Variants in INSR observed in about 807,000 individuals in gnomAD.
INSR encodes insulin receptor.
A neutral mutation model predicts 142.6 loss-of-function variants in INSR; 67 were observed. The observed-to-expected ratio is 0.47, with a 90% CI of 0.39 to 0.58. The LOEUF is 0.58. INSR is among the 20% of genes least tolerant of loss of function. The pLI is 0.00. For missense variants in INSR, 1,248 were observed against 1,833.2 expected (o/e 0.68, Z 5.83); for synonymous variants, 756 against 743.1 (o/e 1.02, Z -0.28).
At chr19:7,221,506 G>A (rs559201007) in intron 2 of INSR, among the ~76,000 whole-genome samples, 29 of 152,132 alleles carry the variant, frequency 1.9e-4, no homozygotes, top group African/African-American at 5.5e-4. Context: ...TCAGGAGTTC[G>A]AGACCAGCCT....
At chr19:7,246,724 C>T (rs934272597) in intron 2 of INSR, among the ~76,000 whole-genome samples, 13 of 151,520 alleles carry the variant, frequency 8.6e-5, no homozygotes, top group African/African-American at 2.9e-4. Context: ...CACAGCAAAA[C>T]TAGCTGATAC....
rs1599862291 is a variant in INSR, at chr19:7,116,345, G to A, written c.*711C>T. 6.6e-6 allele frequency: 1 copy of A among 151,962 alleles called. No individual in the cohort carries two copies. The highest frequency in any genetic ancestry group is 1.9e-4 in the East Asian group (1 of 5,160). The allele number at this position is 151,962 out of a possible 1,614,324, so 9.4% of individuals were successfully genotyped here. ...GCACCCTTGAGAAGAACCTTCATGA[G>A]CCAATTCCCAAAGCATCAACTCCGC... On this transcript the variant is annotated 3_prime_UTR_variant, in exon 22 of 22. Coordinates refer to ENST00000302850, the MANE Select transcript of INSR (RefSeq NM_000208.4).
At chr19:7,160,062 G>T (rs978792473) in intron 9 of INSR, among the ~76,000 whole-genome samples, 9 of 152,142 alleles carry the variant, frequency 5.9e-5, no homozygotes, top group Non-Finnish European at 1.0e-4. Flanking sequence ...ACTTTGGGAG[G>T]CTGAGGCAGG....
At chr19:7,239,030 C>CA (rs558348124) in intron 2 of INSR, among the ~76,000 whole-genome samples, 109 of 122,642 alleles carry the variant, frequency 8.9e-4, no homozygotes, top group East Asian at 4.4e-3. Context: ...ATTATTACTA[C>CA]AAAAAAAAAA....
At chr19:7,283,053 C>T (rs1968251735) in intron 1 of INSR, among the ~76,000 whole-genome samples, 1 of 150,956 alleles carries the variant, frequency 6.6e-6, no homozygotes, top group Non-Finnish European at 1.5e-5. Context: ...ATTAGCTAGT[C>T]GTGGTAGCAC....
At chr19:7,282,327 T>C (rs868456948) in intron 1 of INSR, among the ~76,000 whole-genome samples, 1 of 151,050 alleles carries the variant, frequency 6.6e-6, no homozygotes, top group African/African-American at 2.4e-5. Context: ...ATCGTGCCAC[T>C]ACACTCCAGC....
Position 7,168,153 on chromosome 19 carries a change from G to C in INSR, c.1484-59C>G, listed in dbSNP as rs527247952. The C allele has an allele frequency of 6.3e-7, 1 of 1,577,370 alleles. No individual in the cohort carries two copies. The highest frequency in any genetic ancestry group is 1.7e-5 in the Admixed American group (1 of 59,524). On this transcript the variant is annotated intron_variant, in intron 6 of 21. Transcript: ENST00000302850. This position sits in a 1 kb window ranked among gnomAD's most constrained non-coding sequence, Gnocchi z 4.3. Reference sequence around the variant, plus strand: ...TATTTCAGTGTAGTTTCAGACCAAAGCCTGGGACCCCCACACTTCCTGGAG... The same window carrying C: ...TATTTCAGTGTAGTTTCAGACCAAACCCTGGGACCCCCACACTTCCTGGAG...
chr19:7,246,093 A>G (rs1976529992), intron 2 of INSR, among the ~76,000 whole-genome samples: 1 of 152,142 alleles, frequency 6.6e-6, no homozygotes, highest in South Asian at 2.1e-4. Flanking sequence ...ATGAACCTAA[A>G]ATAAGAGGTT....
intron 9 of INSR, among the ~76,000 whole-genome samples, chr19:7,158,577 G>A (rs73503023): frequency 0.061 from 9,252 of 152,206 alleles, 704 homozygotes; most frequent in East Asian, 0.22. Context: ...ACAGAAAGGA[G>A]GATGGTGGGT....
intron 2 of INSR, among the ~76,000 whole-genome samples, chr19:7,232,086 G>A (rs1975998100): frequency 6.6e-6 from 1 of 152,138 alleles, no homozygotes; most frequent in Non-Finnish European, 1.5e-5. Context: ...CGGGGGTACT[G>A]GGAATTCACT....
intron 1 of INSR, 114 bp downstream of exon 1, chr19:7,293,678 C>A: frequency 5.7e-6 from 5 of 884,270 alleles, no homozygotes; most frequent in Non-Finnish European, 7.3e-6. Context: ...CTGGCCACCG[C>A]CCCCCGCCCC....
chr19:7,157,470 C>T (rs1030400507), intron 9 of INSR, among the ~76,000 whole-genome samples: 5 of 131,192 alleles, frequency 3.8e-5, no homozygotes, highest in African/African-American at 1.5e-4. Context: ...GCTGTGTTGG[C>T]CAGGCTGATC....
chr19:7,267,930 T>A lies in INSR; in HGVS notation c.101-34A>T. The A allele has an allele frequency of 6.4e-7, 1 of 1,573,988 alleles. No individual in the cohort carries two copies. The highest frequency in any genetic ancestry group is 8.7e-7 in the Non-Finnish European group (1 of 1,148,314). On this transcript the variant is annotated intron_variant, in intron 1 of 21. Transcript: ENST00000302850. The surrounding 1 kb of genome is among the most constrained non-coding windows in gnomAD (Gnocchi z 6.3). ...GAAAATGAACAGAAAGCAAGACAGG[T>A]GAGCAGACGCACGGTGGATGCATCA...
intron 1 of INSR, among the ~76,000 whole-genome samples, chr19:7,293,242 A>C (rs975587574): frequency 6.6e-6 from 1 of 152,206 alleles, no homozygotes; most frequent in African/African-American, 2.4e-5. Flanking sequence ...CAAAAGGGTA[A>C]ACATGGACCT....
intron 13 of INSR, among the ~76,000 whole-genome samples, chr19:7,139,690 G>A (rs1325069310): frequency 6.6e-6 from 1 of 152,044 alleles, no homozygotes; most frequent in Non-Finnish European, 1.5e-5. Flanking sequence ...GGCAAATCAA[G>A]CCATTCATTT....
At chr19:7,276,168 C>G (rs1437837238) in intron 1 of INSR, among the ~76,000 whole-genome samples, 1 of 151,700 alleles carries the variant, frequency 6.6e-6, no homozygotes, top group Non-Finnish European at 1.5e-5. Flanking sequence ...TTTTTTGAGA[C>G]AGAGTCTTGC....
At chr19:7,133,973 C>G (rs1179943926) in intron 13 of INSR, among the ~76,000 whole-genome samples, 1 of 152,034 alleles carries the variant, frequency 6.6e-6, no homozygotes, top group Non-Finnish European at 1.5e-5. Flanking sequence ...ACTGACTGAC[C>G]CCTGGTTTAA....
intron 2 of INSR, among the ~76,000 whole-genome samples, chr19:7,187,077 TTC>T (rs1237727339): frequency 6.6e-6 from 1 of 151,874 alleles, no homozygotes; most frequent in African/African-American, 2.4e-5. Context: ...ATAGGATTTA[TTC>T]TTTTTTAAAA....
chr19:7,137,525 C>G (rs1462190867), intron 13 of INSR, among the ~76,000 whole-genome samples: 2 of 152,050 alleles, frequency 1.3e-5, no homozygotes, highest in Non-Finnish European at 2.9e-5. Context: ...TGGTGGCTCA[C>G]GCCTGTAATC....
Sources: allele counts gnomAD v4.1 joint callset (sites outside exome capture counted in the v4.1 genomes callset), GRCh38; gene constraint gnomAD v4.1.1; non-coding constraint Gnocchi (gnomAD v3.1); transcripts MANE v1.5; gene names NCBI Gene and HGNC (gene_info 2026-07-23, HGNC 2026-07-21).